The following ERICH6 variants were observed in gnomAD, a reference collection of about 807,000 sequenced individuals.
ERICH6 encodes the protein glutamate rich 6.
Under a neutral mutation model 71.0 loss-of-function variants are expected in ERICH6, and 71 were observed. The ratio of observed to expected loss-of-function variants is 1.00; its 90% confidence interval spans 0.83 to 1.22. The LOEUF (loss-of-function observed/expected upper bound fraction) is 1.22, where lower values mean the gene tolerates loss of function less well. Among genes scored for constraint, ERICH6 ranks in the 50% most tolerant of loss-of-function variants. ERICH6 has a pLI of 0.00. For synonymous variants in ERICH6, 262 were observed against 278.4 expected, an observed-to-expected ratio of 0.94 and a Z score of 0.59; for missense variants, 808 against 797.2, an observed-to-expected ratio of 1.01 and a Z score of -0.16.
chr3:150,680,992 A>G, intron 7 of ERICH6, 62 bp from the exon 8 acceptor site: 2 of 1,470,494 alleles, frequency 1.4e-6, no homozygotes, highest in Non-Finnish European at 1.8e-6. Context: ...TAGAGGGGAT[A>G]AAAATGACTA....
rs143645463 is a variant in ERICH6, at chr3:150,669,265, A to G, written c.1499+31T>C. On this transcript the variant is annotated intron_variant, in intron 12 of 13. Transcript: ENST00000295910. ...AAAATTTCCCAGAACAAAAGCCACA[A>G]AATGGCAGCAGCAGGAACCTAGAAG... 967 of 1,553,664 alleles carry G rather than the reference A, an allele frequency of 6.2e-4. 8 individuals carry two copies. The African/African-American group carries it at 0.011, about 18-fold the overall frequency.
intron 11 of ERICH6, among the ~76,000 whole-genome samples, chr3:150,671,063 C>T (rs1465106393): frequency 6.6e-6 from 1 of 152,020 alleles, no homozygotes; most frequent in Non-Finnish European, 1.5e-5. Flanking sequence ...AGTTTGAGGC[C>T]AGCCTAGGCA....
chr3:150,698,259 C>T (rs1712726271), intron 3 of ERICH6, among the ~76,000 whole-genome samples: 1 of 152,060 alleles, frequency 6.6e-6, no homozygotes, highest in Non-Finnish European at 1.5e-5. Flanking sequence ...ACTGCTGATA[C>T]CCTATTATAG....
intron 7 of ERICH6, 124 bp from the exon 8 acceptor site, chr3:150,681,054 A>G: frequency 1.0e-6 from 1 of 982,340 alleles, no homozygotes. Flanking sequence ...TAATAGCTTT[A>G]TTAAGATATA....
In ERICH6 at chr3:150,680,487, C is replaced by G; in HGVS notation, c.1092G>C (p.Gln364His). Reference protein sequence around the residue: ...ARHFAIISREQTHFSEDDSKR... With the variant: ...ARHFAIISREHTHFSEDDSKR... ...ACTCACCATCTTCAGAGAAATGAGTCTGTTCCCTTGATATTATTGCAAAAT... is the reference window on the plus strand; with the variant it reads ...ACTCACCATCTTCAGAGAAATGAGTGTGTTCCCTTGATATTATTGCAAAAT... The change falls in exon 9 of 14, where the codon CAG becomes CAC. Residue 364 changes from glutamine to histidine, a missense_variant. Gln to His is a conservative substitution (Grantham distance 24). Around this residue, in one of 3 missense-constraint regions of ERICH6, gnomAD observed 736 missense variants for 712.2 expected, o/e 1.03. Transcript: ENST00000295910. 2 of 1,614,218 alleles carry G rather than the reference C, an allele frequency of 1.2e-6. No homozygotes were observed. The highest frequency in any genetic ancestry group is 2.7e-5 in the African/African-American group (2 of 75,074).
chr3:150,697,511 AC>A lies in ERICH6; in HGVS notation c.553+1279del, dbSNP rs533440151. 2.0e-4 allele frequency among the ~76,000 whole-genome samples: 31 copies of A among 151,994 alleles called. 1 individual carries two copies. The South Asian group carries it at 6.5e-3, about 32-fold the overall frequency. ...CACTGAAGCTGGTCCTATCCACATC[AC>A]CAATGACTTCCACATGCTAGATCTA... On this transcript the variant is annotated intron_variant, in intron 3 of 13. Transcript: ENST00000295910.
At chr3:150,683,491 A>T (rs1712053322) in intron 6 of ERICH6, among the ~76,000 whole-genome samples, 1 of 152,090 alleles carries the variant, frequency 6.6e-6, no homozygotes, top group Non-Finnish European at 1.5e-5. Context: ...GAGGCCGGGC[A>T]TGGTGGCTCA....
At chr3:150,689,672 A>C (rs1207940551) in intron 3 of ERICH6, among the ~76,000 whole-genome samples, 1 of 152,100 alleles carries the variant, frequency 6.6e-6, no homozygotes, top group Non-Finnish European at 1.5e-5. Flanking sequence ...TTTTTTGAGC[A>C]AAAGTTTTTT....
At chr3:150,681,573 T>C (rs763062949) in intron 7 of ERICH6, among the ~76,000 whole-genome samples, 1 of 152,222 alleles carries the variant, frequency 6.6e-6, no homozygotes, top group African/African-American at 2.4e-5. Flanking sequence ...GGAATAGAAC[T>C]GATGGGTCAT....
chr3:150,689,331 GC>G (rs1308748110), intron 3 of ERICH6, among the ~76,000 whole-genome samples: 1 of 151,972 alleles, frequency 6.6e-6, no homozygotes, highest in Admixed American at 6.6e-5. Flanking sequence ...CTTTTTGCTA[GC>G]CAGGCCAAAC....
Position 150,685,737 on chromosome 3 carries a change from G to A in ERICH6, c.783+5C>T. ...GTAATAATAAGAAACATGAATTAAA[G>A]TCACCTTGAAGTTAATGCCTAAATT... On this transcript the variant is annotated splice_donor_5th_base_variant and intron_variant, in intron 6 of 13. Transcript: ENST00000295910. 2 of 1,599,630 alleles carry A rather than the reference G, an allele frequency of 1.3e-6. No homozygotes were observed. Among genetic ancestry groups the A allele is most frequent in the Non-Finnish European group, 1.7e-6 (2 of 1,169,998 alleles).
intron 13 of ERICH6, 28 bp downstream of exon 13, chr3:150,666,759 T>G: frequency 6.3e-7 from 1 of 1,591,076 alleles, no homozygotes; most frequent in East Asian, 2.2e-5. Flanking sequence ...TTCTAAATGC[T>G]TTAAACTGTT....
At chr3:150,698,327 C>T (rs1712728885) in intron 3 of ERICH6, among the ~76,000 whole-genome samples, 2 of 151,880 alleles carry the variant, frequency 1.3e-5, no homozygotes, top group African/African-American at 2.4e-5. Flanking sequence ...GGTAGGTGCT[C>T]AGTAAGCAGT....
intron 11 of ERICH6, among the ~76,000 whole-genome samples, chr3:150,673,284 C>T (rs1386920459): frequency 1.3e-5 from 2 of 151,756 alleles, no homozygotes; most frequent in Admixed American, 6.6e-5. Context: ...ACCCCTCGGG[C>T]TCAAGCAATC....
chr3:150,680,401 T>C, intron 9 of ERICH6, 67 bp downstream of exon 9: 1 of 1,504,358 alleles, frequency 6.6e-7, no homozygotes, highest in Non-Finnish European at 9.2e-7. Context: ...ATTTCATCTT[T>C]TGGTTAAACA....
At position 150,698,902 on chromosome 3, in the gene ERICH6, GTTTT is replaced by G; in HGVS notation, c.462-24_462-21del. ...ATATTTCTGAAATTTCGACAAAAATGTTTTGAGTATACCTATATAGTTGTTAGCA... is the reference window on the plus strand; with the variant it reads ...ATATTTCTGAAATTTCGACAAAAATGGAGTATACCTATATAGTTGTTAGCA... On this transcript the variant is annotated intron_variant, in intron 2 of 13. Coordinates refer to ENST00000295910, the MANE Select transcript of ERICH6 (RefSeq NM_152394.5). 1.3e-6 allele frequency: 2 copies of G among 1,553,554 alleles called. No homozygotes were observed. The highest frequency in any genetic ancestry group is 1.4e-5 in the African/African-American group (1 of 73,776).
At chr3:150,697,990 C>T (rs1712716392) in intron 3 of ERICH6, among the ~76,000 whole-genome samples, 1 of 152,168 alleles carries the variant, frequency 6.6e-6, no homozygotes, top group Admixed American at 6.5e-5. Flanking sequence ...ATTGTCCTGG[C>T]TCATTCTCTC....
chr3:150,671,392 GT>G (rs1229195944), intron 11 of ERICH6, among the ~76,000 whole-genome samples: 1 of 152,158 alleles, frequency 6.6e-6, no homozygotes, highest in Non-Finnish European at 1.5e-5. Context: ...AGCTCAAAAA[GT>G]TTAAATATTA....
At position 150,703,635 on chromosome 3, in the gene ERICH6, G is replaced by T. The variant is rs149284358; in HGVS notation, c.264C>A (p.Asp88Glu). 41 of 1,613,902 alleles carry T rather than the reference G, an allele frequency of 2.5e-5. No homozygotes were observed. The highest frequency in any genetic ancestry group is 3.2e-5 in the Non-Finnish European group (38 of 1,179,988). ...GGGGGCGCACGTCTGGGAAGTCGTC[G>T]TCGTAGTCACCGATGTCCGTGACCT... ...LWKVTDIGDY[D>E]DDFPDVRPRL... The change falls in exon 1 of 14, where the codon GAC becomes GAA. Residue 88 changes from aspartate to glutamate, a missense_variant. Transcript: ENST00000295910.
Sources: allele counts gnomAD v4.1 joint callset (sites outside exome capture counted in the v4.1 genomes callset), GRCh38; gene constraint gnomAD v4.1.1; regional missense constraint gnomAD v4.1.1; transcripts MANE v1.5; gene names NCBI Gene and HGNC (gene_info 2026-07-23, HGNC 2026-07-21).